The following LRP1B variants were observed in gnomAD, a reference collection of about 807,000 sequenced individuals.
The protein encoded by LRP1B is low-density lipoprotein receptor-related protein 1B.
In LRP1B, 217 loss-of-function variants were observed where a neutral mutation model predicts 556.6. The ratio of observed to expected loss-of-function variants is 0.39; its 90% CI spans 0.35 to 0.44. LRP1B has a LOEUF of 0.44. Among genes scored for constraint, LRP1B ranks in the 20% least tolerant of loss-of-function variants. LRP1B has a pLI of 1.00. For synonymous variants in LRP1B, 2,047 were observed against 1,865.8 expected (o/e 1.10, Z -2.50); for missense variants, 5,053 against 5,620.8 (o/e 0.90, Z 3.23).
chr2:140,476,145 C>T (rs949654622), intron 59 of LRP1B, among the ~76,000 whole-genome samples: 15 of 151,976 alleles, frequency 9.9e-5, no homozygotes, highest in Admixed American at 3.3e-4. Flanking sequence ...ATTACTTAGA[C>T]GTTTTTCTCT....
chr2:141,314,029 G>T (rs1686907262), intron 3 of LRP1B, among the ~76,000 whole-genome samples: 1 of 150,804 alleles, frequency 6.6e-6, no homozygotes, highest in South Asian at 2.1e-4. Context: ...TTTTTGGGCG[G>T]GCATTAGAAA....
intron 66 of LRP1B, among the ~76,000 whole-genome samples, chr2:140,410,525 GAGAC>G (rs151268152): frequency 0.013 from 1,905 of 152,026 alleles, 95 homozygotes; most frequent in Admixed American, 0.084. Flanking sequence ...ATTTATCAGA[GAGAC>G]AGCACGCTAT....
At chr2:140,456,732 A>C in intron 61 of LRP1B, 129 bp from the exon 62 acceptor site, 11 of 616,152 alleles carry the variant, frequency 1.8e-5, no homozygotes, top group Non-Finnish European at 2.5e-5. Flanking sequence ...TCAAGAACTC[A>C]TCAAGACTAT....
intron 3 of LRP1B, among the ~76,000 whole-genome samples, chr2:141,471,282 T>G (rs202023467): frequency 3.8e-4 from 43 of 113,836 alleles, no homozygotes; most frequent in Non-Finnish European, 6.6e-4. Flanking sequence ...TTTTTTTTTT[T>G]TTTTTTTTTT....
intron 86 of LRP1B, among the ~76,000 whole-genome samples, chr2:140,266,597 T>G (rs936052126): frequency 1.3e-5 from 2 of 152,068 alleles, no homozygotes; most frequent in African/African-American, 4.8e-5. Flanking sequence ...GCATATAACC[T>G]TTTTCTATTC....
chr2:140,316,165 TAG>T (rs1684511774), intron 82 of LRP1B, among the ~76,000 whole-genome samples: 2 of 152,282 alleles, frequency 1.3e-5, no homozygotes, highest in African/African-American at 4.8e-5. Context: ...GTGAGCAACA[TAG>T]AGTGTTCAAT....
chr2:141,485,242 G>A (rs1012951793), intron 2 of LRP1B, among the ~76,000 whole-genome samples: 2 of 152,058 alleles, frequency 1.3e-5, no homozygotes, highest in African/African-American at 4.8e-5. Flanking sequence ...GGACTACTGG[G>A]TAACTCATGA....
intron 1 of LRP1B, among the ~76,000 whole-genome samples, chr2:141,825,484 TAA>T (rs1216639427): frequency 6.6e-5 from 10 of 152,162 alleles, no homozygotes; most frequent in Admixed American, 5.2e-4. Flanking sequence ...CTCTAGAAAA[TAA>T]AAAGATAGTG....
chr2:141,868,244 G>A (rs913401872), intron 1 of LRP1B, among the ~76,000 whole-genome samples: 4 of 152,030 alleles, frequency 2.6e-5, no homozygotes, highest in Non-Finnish European at 4.4e-5. Context: ...AGTGCTACTC[G>A]TTCCAGTACA....
intron 6 of LRP1B, among the ~76,000 whole-genome samples, chr2:141,224,393 A>C (rs1349054467): frequency 2.0e-5 from 3 of 152,214 alleles, no homozygotes; most frequent in Middle Eastern, 3.2e-3. Flanking sequence ...GGAAATGTAA[A>C]TTAGTTCAAC....
intron 7 of LRP1B, among the ~76,000 whole-genome samples, chr2:141,126,330 G>C (rs1701211285): frequency 6.6e-6 from 1 of 152,074 alleles, no homozygotes; most frequent in Non-Finnish European, 1.5e-5. Flanking sequence ...CATCGCTCCT[G>C]CCCTTTAATA....
intron 2 of LRP1B, among the ~76,000 whole-genome samples, chr2:141,711,858 C>T (rs535743584): frequency 6.6e-6 from 1 of 152,174 alleles, no homozygotes; most frequent in Admixed American, 6.6e-5. Flanking sequence ...TTTCAGCTAA[C>T]TAGATCCGTC....
chr2:142,111,645 C>A (rs767584506), intron 1 of LRP1B, among the ~76,000 whole-genome samples: 2 of 152,036 alleles, frequency 1.3e-5, no homozygotes, highest in Non-Finnish European at 2.9e-5. Context: ...TATTAAACAA[C>A]CAAACAAGCA....
chr2:141,297,793 T>A (rs1686238294), intron 3 of LRP1B, among the ~76,000 whole-genome samples: 1 of 152,184 alleles, frequency 6.6e-6, no homozygotes, highest in Admixed American at 6.5e-5. Flanking sequence ...TTTCCTGTAC[T>A]TTTTATATGT....
intron 15 of LRP1B, among the ~76,000 whole-genome samples, chr2:140,998,210 A>G (rs552030290): frequency 8.5e-5 from 13 of 152,150 alleles, no homozygotes; most frequent in African/African-American, 2.6e-4. Context: ...TGGATAACCA[A>G]TGTTTTTGCA....
chr2:140,323,033 A>G (rs901033892), intron 81 of LRP1B, among the ~76,000 whole-genome samples: 2 of 152,026 alleles, frequency 1.3e-5, no homozygotes, highest in African/African-American at 2.4e-5. Context: ...AGGAAACTCT[A>G]TTTGGTTTTA....
chr2:140,602,714 A>G (rs551909185), intron 41 of LRP1B, among the ~76,000 whole-genome samples: 8 of 140,084 alleles, frequency 5.7e-5, no homozygotes, highest in Non-Finnish European at 1.3e-4. Flanking sequence ...CAATAATTAA[A>G]GTTTTTGAAC....
chr2:141,902,407 ATTAG>A (rs1699645291), intron 1 of LRP1B, among the ~76,000 whole-genome samples: 1 of 152,010 alleles, frequency 6.6e-6, no homozygotes, highest in South Asian at 2.1e-4. Flanking sequence ...TATGGCAGAG[ATTAG>A]TTAAAATCCA....
intron 2 of LRP1B, among the ~76,000 whole-genome samples, chr2:141,718,622 A>C (rs758785261): frequency 2.0e-5 from 3 of 152,234 alleles, no homozygotes; most frequent in Non-Finnish European, 4.4e-5. Context: ...AATCATGGAC[A>C]TATGATGTCC....
Sources: gnomAD v4.1 joint callset for allele counts (sites outside exome capture counted in the v4.1 genomes callset) on GRCh38, gnomAD v4.1.1 for gene constraint, MANE v1.5 for transcripts, NCBI Gene and HGNC (gene_info 2026-07-23, HGNC 2026-07-21) for gene names.